The following AFP variants were observed in gnomAD, a reference collection of about 807,000 sequenced individuals.
The protein encoded by AFP is alpha fetoprotein.
AFP carries 64 observed loss-of-function variants against 78.9 expected under a neutral mutation model. The observed-to-expected ratio is 0.81, with a 90% CI of 0.66 to 1.00. The LOEUF (loss-of-function observed/expected upper bound fraction) is 1.00. Ranked by LOEUF, AFP falls within the 50% of genes least tolerant of loss-of-function variation. The pLI, the probability that AFP is intolerant of heterozygous loss-of-function variation, is 0.00. For synonymous variants in AFP, 254 were observed against 243.8 expected (o/e 1.04, Z -0.39); for missense variants, 689 against 703.8 (o/e 0.98, Z 0.24).
At chr4:73,441,744 G>C (rs1489400389) in intron 4 of AFP, among the ~76,000 whole-genome samples, 1 of 152,084 alleles carries the variant, frequency 6.6e-6, no homozygotes, top group Non-Finnish European at 1.5e-5. Flanking sequence ...CTGGCTAAGG[G>C]CACACAGCTA....
chr4:73,437,779 A>G (rs1167171243), intron 2 of AFP, among the ~76,000 whole-genome samples: 1 of 151,978 alleles, frequency 6.6e-6, no homozygotes. Context: ...TTAGACCTTG[A>G]TCATACTGGG....
In AFP at chr4:73,453,907, G is replaced by A. The variant is rs761516101; in HGVS notation, c.1785+10G>A. On this transcript the variant is annotated intron_variant, in intron 13 of 14. Coordinates refer to ENST00000395792, the MANE Select transcript of AFP (RefSeq NM_001134.3). ...CTGCTTTGCTGAAGAGGTACATGCA[G>A]CTCATTTCATACTCAAAATACTTGC... 3 of 1,613,368 alleles carry A rather than the reference G, an allele frequency of 1.9e-6. No individual in the cohort carries two copies. The highest frequency in any genetic ancestry group is 2.2e-5 in the East Asian group (1 of 44,862).
chr4:73,442,230 G>C (rs776379068), intron 4 of AFP, 66 bp from the exon 5 acceptor site: 12 of 1,471,684 alleles, frequency 8.2e-6, no homozygotes, highest in Non-Finnish European at 1.1e-5. Flanking sequence ...CCAGTGTCCA[G>C]TTCCAAGCAG....
chr4:73,444,255 T>A (rs1719757249), intron 6 of AFP, among the ~76,000 whole-genome samples: 1 of 152,150 alleles, frequency 6.6e-6, no homozygotes, highest in East Asian at 1.9e-4. Context: ...TGACCTACTT[T>A]AAAAAAATTT....
chr4:73,455,459 T>G, intron 14 of AFP, 169 bp downstream of exon 14: 3 of 660,514 alleles, frequency 4.5e-6, no homozygotes, highest in Non-Finnish European at 8.0e-6. Flanking sequence ...CAATGTTAAA[T>G]TAGTGGCTCA....
chr4:73,444,301 T>G (rs1181439559), intron 6 of AFP, among the ~76,000 whole-genome samples: 2 of 152,192 alleles, frequency 1.3e-5, no homozygotes, highest in Non-Finnish European at 2.9e-5. Context: ...GATAGTATTA[T>G]AATACCCTTA....
intron 6 of AFP, among the ~76,000 whole-genome samples, chr4:73,443,827 A>G (rs1719745081): frequency 6.6e-6 from 1 of 152,208 alleles, no homozygotes; most frequent in Admixed American, 6.5e-5. Context: ...TGCCTTAACA[A>G]GAAATTCTTT....
At chr4:73,449,615 C>A in intron 9 of AFP, 148 bp downstream of exon 9, 1 of 937,896 alleles carries the variant, frequency 1.1e-6, no homozygotes, top group Non-Finnish European at 1.6e-6. Flanking sequence ...TATTAACTAG[C>A]AGTCAGCAGC....
rs768879876 is a variant in AFP at position 73,452,455 on chromosome 4, C to T, written c.1483C>T (p.Pro495Ser). ...CIRHEMTPVNPGVGQCCTSSY... is the reference protein window; with the variant it reads ...CIRHEMTPVNSGVGQCCTSSY... ...CAGACATGAAATGACTCCAGTAAACCCTGGTGTTGGCCAGTGCTGCACTTC... is the reference window on the plus strand; with the variant it reads ...CAGACATGAAATGACTCCAGTAAACTCTGGTGTTGGCCAGTGCTGCACTTC... The change falls in exon 12 of 15, where the codon CCT (proline) becomes TCT (serine). Residue 495 changes from proline to serine, a missense_variant. Coordinates refer to ENST00000395792, the MANE Select transcript of AFP (RefSeq NM_001134.3). The T allele has an allele frequency of 8.1e-6, 13 of 1,613,934 alleles. No homozygotes were observed. The highest frequency in any genetic ancestry group is 1.3e-5 in the African/African-American group (1 of 74,902).
intron 5 of AFP, among the ~76,000 whole-genome samples, chr4:73,442,909 A>G (rs1298781870): frequency 6.6e-6 from 1 of 152,166 alleles, no homozygotes; most frequent in Non-Finnish European, 1.5e-5. Flanking sequence ...GAGAGGTAGA[A>G]TAATATCCAC....
chr4:73,437,317 T>C (rs2149332607), intron 2 of AFP, 106 bp downstream of exon 2: 1 of 870,956 alleles, frequency 1.1e-6, no homozygotes, highest in Non-Finnish European at 1.9e-6. Context: ...ACAAAAGCAA[T>C]TTGGACAATT....
chr4:73,451,523 G>A (rs951372348), intron 11 of AFP, among the ~76,000 whole-genome samples: 1 of 152,138 alleles, frequency 6.6e-6, no homozygotes, highest in Non-Finnish European at 1.5e-5. Flanking sequence ...GTGATTAAAT[G>A]TCACCTCAAT....
chr4:73,441,463 G>T lies in AFP; in HGVS notation c.482+650G>T, dbSNP rs368288167. The stretch of plus-strand genomic sequence containing the variant: ...GGCGCCTGTAGTCCCAGCTACTCGG[G>T]AGGCTGAGGCAGGAGAATGGCGTGA... On this transcript the variant is annotated intron_variant, in intron 4 of 14. Coordinates refer to ENST00000395792, the MANE Select transcript of AFP (RefSeq NM_001134.3). 6.6e-5 allele frequency among the ~76,000 whole-genome samples: 10 copies of T among 151,344 alleles called. 1 individual carries two copies. The highest frequency in any genetic ancestry group is 5.8e-4 in the East Asian group (3 of 5,148).
At chr4:73,445,271 T>A in intron 7 of AFP, 149 bp downstream of exon 7, 1 of 933,784 alleles carries the variant, frequency 1.1e-6, no homozygotes, top group Non-Finnish European at 1.6e-6. Flanking sequence ...TTCTCGGTAG[T>A]AAAACTTAAA....
chr4:73,454,017 T>G, intron 13 of AFP, 120 bp downstream of exon 13: 1 of 1,260,494 alleles, frequency 7.9e-7, no homozygotes, highest in Non-Finnish European at 1.1e-6. Context: ...TTAAATTTCA[T>G]TGAGAAGCAG....
intron 7 of AFP, 77 bp downstream of exon 7, chr4:73,445,199 G>T (rs894535023): frequency 3.8e-5 from 60 of 1,572,072 alleles, no homozygotes; most frequent in Non-Finnish European, 4.8e-5. Context: ...AAAGGGAGAA[G>T]GTTGTTTGAC....
rs773534607 is a variant in AFP, at chr4:73,442,422, A to G, written c.609A>G (p.Gln203=). ...CKAENAVECF[Q]TKAATVTKEL... ...CTGAAAATGCAGTTGAATGCTTCCAAACAAAGGTATCATATTTGCGTGGAT... is the reference window on the plus strand; with the variant it reads ...CTGAAAATGCAGTTGAATGCTTCCAGACAAAGGTATCATATTTGCGTGGAT... Residue 203 remains glutamine (Q), a synonymous_variant, in exon 5 of 15, where the codon CAA becomes CAG. Transcript: ENST00000395792. 3 of 1,614,060 alleles carry G rather than the reference A, an allele frequency of 1.9e-6. No homozygotes were observed. The highest frequency in any genetic ancestry group is 2.5e-6 in the Non-Finnish European group (3 of 1,179,966).
intron 12 of AFP, 146 bp downstream of exon 12, chr4:73,452,770 T>C (rs1720042282): frequency 1.3e-6 from 1 of 749,732 alleles, no homozygotes; most frequent in Admixed American, 2.0e-5. Flanking sequence ...AATAGTTTTG[T>C]CTCAGTGTCT....
At chr4:73,443,894 C>T (rs1487465477) in intron 6 of AFP, among the ~76,000 whole-genome samples, 3 of 151,988 alleles carry the variant, frequency 2.0e-5, no homozygotes, top group Non-Finnish European at 4.4e-5. Context: ...TATTGCTTCC[C>T]ATAAAAATAT....
Sources: gnomAD v4.1 joint callset for allele counts (sites outside exome capture counted in the v4.1 genomes callset) on GRCh38, gnomAD v4.1.1 for gene constraint, MANE v1.5 for transcripts, NCBI Gene and HGNC (gene_info 2026-07-23, HGNC 2026-07-21) for gene names.